The following CLPTM1 variants were observed in gnomAD, a reference collection of about 807,000 sequenced individuals.
CLPTM1 encodes putative lipid scramblase CLPTM1.
CLPTM1 carries 21 observed loss-of-function variants against 77.3 expected under a neutral mutation model. The ratio of observed to expected loss-of-function variants is 0.27; its 90% confidence interval spans 0.19 to 0.39. CLPTM1 has a LOEUF of 0.39. Ranked by LOEUF, CLPTM1 falls within the 10% of genes least tolerant of loss-of-function variation. The probability of loss-of-function intolerance (pLI) is 1.00; values close to 1 mark genes in which losing one functional copy is unlikely to be tolerated. For synonymous variants in CLPTM1, 373 were observed against 381.0 expected, an observed-to-expected ratio of 0.98 and a Z score of 0.24; for missense variants, 642 against 921.2, an observed-to-expected ratio of 0.70 and a Z score of 3.92.
In CLPTM1 at chr19:44,987,418, G is replaced by A. The variant is rs781585955; in HGVS notation, c.1033G>A (p.Val345Met). ...GCAGTCAGATGAGGAGCAGGACTCG[G>A]TGAAGGTGAGTGCGGCCGGTGTGGG... ...YEQSDEEQDS[V>M]KVALLETNPY... Residue 345 changes from valine to methionine, a missense_variant, in exon 8 of 14, where the codon GTG (valine) becomes ATG (methionine). Around this residue, in one of 2 missense-constraint regions of CLPTM1, gnomAD observed 521 missense variants for 800.4 expected, o/e 0.65. Coordinates refer to ENST00000337392, the MANE Select transcript of CLPTM1 (RefSeq NM_001294.4). 6.2e-7 allele frequency: 1 copy of A among 1,613,484 alleles called. No individual in the cohort carries two copies. The highest frequency in any genetic ancestry group is 2.2e-5 in the East Asian group (1 of 44,880).
chr19:44,954,882 G>A (rs1232750402), upstream of CLPTM1: 8 of 1,247,276 alleles, frequency 6.4e-6, no homozygotes, highest in Non-Finnish European at 8.8e-6. Context: ...TAGGAAGAGG[G>A]GTCAGAAGAC....
At chr19:44,987,099 G>A in intron 7 of CLPTM1, 80 bp from the exon 8 acceptor site, 1 of 1,516,156 alleles carries the variant, frequency 6.6e-7, no homozygotes, top group Non-Finnish European at 8.9e-7. Context: ...GCCCTGTTGG[G>A]TCTCTCCAGA....
intron 2 of CLPTM1, among the ~76,000 whole-genome samples, chr19:44,965,845 T>C (rs1169182843): frequency 2.0e-5 from 3 of 152,066 alleles, no homozygotes; most frequent in Non-Finnish European, 4.4e-5. Context: ...AATAAAACAA[T>C]CATTCCTTTG....
In CLPTM1 at chr19:44,963,328, ATT is replaced by A. The variant is rs201566517; in HGVS notation, c.185+1267_185+1268del. ...AAATTTTTTTATTTTTATTTTATGT[ATT>A]TTTTTTTTTTTTTGAGACGGAGTCT... On this transcript the variant is annotated intron_variant, in intron 2 of 13. Transcript: ENST00000337392. Among the ~76,000 whole-genome samples, 711 of 131,478 alleles carry A rather than the reference ATT, an allele frequency of 5.4e-3. 6 individuals are homozygous for A. The highest frequency in any genetic ancestry group is 0.017 in the African/African-American group (607 of 35,398). 86.3% of individuals were successfully genotyped at this position (131,478 alleles called of 152,430 possible).
At chr19:44,954,747 C>A (rs149730410), upstream of CLPTM1, 103 of 1,317,600 alleles carry the variant, frequency 7.8e-5, no homozygotes, top group Non-Finnish European at 9.7e-5. Flanking sequence ...GCAGGGCAGT[C>A]CGAAGGCTTG....
intron 1 of CLPTM1, among the ~76,000 whole-genome samples, chr19:44,959,527 G>T (rs1159738175): frequency 1.3e-5 from 2 of 148,814 alleles, no homozygotes; most frequent in South Asian, 4.3e-4. Flanking sequence ...GCTAATTTTT[G>T]TATTTTTATA....
At chr19:44,954,674 C>T, upstream of CLPTM1, 1 of 1,140,112 alleles carries the variant, frequency 8.8e-7, no homozygotes, top group Non-Finnish European at 1.1e-6. Context: ...ATTCTCAGAG[C>T]CCGTGAAGCC....
At chr19:44,961,073 C>T (rs549366254) in intron 1 of CLPTM1, among the ~76,000 whole-genome samples, 33 of 152,180 alleles carry the variant, frequency 2.2e-4, no homozygotes, top group African/African-American at 3.4e-4. Context: ...TGCCTGCCCC[C>T]CTTCCCTTCT....
intron 5 of CLPTM1, among the ~76,000 whole-genome samples, chr19:44,982,709 C>T (rs1970917915): frequency 6.6e-6 from 1 of 152,220 alleles, no homozygotes; most frequent in Non-Finnish European, 1.5e-5. Flanking sequence ...CAAGTCAACC[C>T]TTGAGTGTTG....
chr19:44,985,722 C>T (rs186182664), intron 6 of CLPTM1, among the ~76,000 whole-genome samples: 1 of 152,322 alleles, frequency 6.6e-6, no homozygotes, highest in African/African-American at 2.4e-5. Flanking sequence ...GTTGCTGTCA[C>T]TCCCAGTGGG....
In CLPTM1 at chr19:44,992,840, T is replaced by C. The variant is rs773267075; in HGVS notation, c.1953T>C (p.Ser651=). ...CCAAGCCCACCCAGGGGGCCAGCTCTGCCAGCGAGCCCCAGGAAGCCCCTC... is the reference window on the plus strand; with the variant it reads ...CCAAGCCCACCCAGGGGGCCAGCTCCGCCAGCGAGCCCCAGGAAGCCCCTC... ...LPTKPTQGAS[S]ASEPQEAPPK... Residue 651 remains serine (S), a synonymous_variant, in exon 14 of 14, where the codon TCT becomes TCC. Transcript: ENST00000337392. The surrounding 1 kb of genome is among the most constrained non-coding windows in gnomAD (Gnocchi z 7.7). The C allele has an allele frequency of 1.9e-6, 3 of 1,613,592 alleles. No homozygotes were observed. Among genetic ancestry groups the C allele is most frequent in the Non-Finnish European group, 2.5e-6 (3 of 1,179,850 alleles).
intron 2 of CLPTM1, among the ~76,000 whole-genome samples, chr19:44,969,192 A>G (rs1416040571): frequency 6.6e-6 from 1 of 152,218 alleles, no homozygotes; most frequent in African/African-American, 2.4e-5. Context: ...ATGTATATAC[A>G]CGCTATATAA....
At chr19:44,955,017 G>A (rs755121340), upstream of CLPTM1, 10 of 1,535,704 alleles carry the variant, frequency 6.5e-6, no homozygotes, top group African/African-American at 9.6e-5. Flanking sequence ...AACATGGAAC[G>A]AAAAGGACGC....
chr19:44,954,618 G>A, upstream of CLPTM1: 2 of 1,044,638 alleles, frequency 1.9e-6, no homozygotes, highest in Non-Finnish European at 2.3e-6. Context: ...GCAGATGGCC[G>A]GGTTTAGAGC....
rs1287451001 is a variant in CLPTM1 at position 44,988,076 on chromosome 19, G to T, written c.1039-4G>T. ...CAGGCTGTGCTCACATGTGTCCCCT[G>T]CAGGTGGCCCTGCTGGAGACCAACC... is the stretch of plus-strand genomic sequence containing the variant. On this transcript the variant is annotated splice_polypyrimidine_tract_variant and splice_region_variant and intron_variant, in intron 8 of 13. Transcript: ENST00000337392. 1 of 1,609,920 alleles carries T rather than the reference G, an allele frequency of 6.2e-7. No individual in the cohort carries two copies.
At chr19:44,986,683 C>T (rs1970983255) in intron 7 of CLPTM1, 108 bp downstream of exon 7, 3 of 1,388,274 alleles carry the variant, frequency 2.2e-6, no homozygotes, top group Admixed American at 2.3e-5. Flanking sequence ...CTTTCCAGGG[C>T]TCCACCCTCC....
intron 1 of CLPTM1, among the ~76,000 whole-genome samples, chr19:44,960,463 G>A (rs557213406): frequency 3.3e-4 from 51 of 152,314 alleles, no homozygotes; most frequent in African/African-American, 1.2e-3. Context: ...TGCCCAAGGT[G>A]TCACAGCCAA....
chr19:44,970,750 A>G (rs1970704310), intron 2 of CLPTM1, among the ~76,000 whole-genome samples: 1 of 143,186 alleles, frequency 7.0e-6, no homozygotes, highest in South Asian at 2.2e-4. Context: ...CCTCGGACAC[A>G]TGAAGAAGCT....
intron 9 of CLPTM1, among the ~76,000 whole-genome samples, chr19:44,989,179 C>T (rs987522833): frequency 1.3e-5 from 2 of 152,210 alleles, no homozygotes; most frequent in Non-Finnish European, 2.9e-5. Context: ...AAAAAGGACG[C>T]TCTTGCCATT....
Sources: gnomAD v4.1 joint callset for allele counts (sites outside exome capture counted in the v4.1 genomes callset) on GRCh38, gnomAD v4.1.1 for gene constraint, gnomAD v4.1.1 regional missense constraint, Gnocchi (gnomAD v3.1) non-coding constraint, MANE v1.5 for transcripts, NCBI Gene and HGNC (gene_info 2026-07-23, HGNC 2026-07-21) for gene names.